KCNJ10: variants seen among roughly 807,000 people sequenced by gnomAD.
KCNJ10 encodes potassium inwardly rectifying channel subfamily J member 10, also known as ATP-sensitive inward rectifier potassium channel 10.
Under a neutral mutation model 22.2 loss-of-function variants are expected in KCNJ10, and 9 were observed. That is an observed-to-expected ratio of 0.40 (90% CI 0.24 to 0.71). The LOEUF (loss-of-function observed/expected upper bound fraction) is 0.71, where lower values mean the gene tolerates loss of function less well. KCNJ10 is among the 30% of genes least tolerant of loss of function. The probability of loss-of-function intolerance (pLI) is 0.35; values close to 1 mark genes in which losing one functional copy is unlikely to be tolerated. For missense variants in KCNJ10, 337 were observed against 482.7 expected (o/e 0.70, Z 2.83); for synonymous variants, 184 against 187.3 (o/e 0.98, Z 0.15).
Position 160,039,910 on chromosome 1 carries a change from C to T in KCNJ10, c.*1483G>A, listed in dbSNP as rs1648564928. Reference sequence around the variant, plus strand: ...GGGGCTTTGGATAAAGCTCTGGTGCCTATATGCCCTTCCCTGACCCTTACC... The same window carrying T: ...GGGGCTTTGGATAAAGCTCTGGTGCTTATATGCCCTTCCCTGACCCTTACC... On this transcript the variant is annotated 3_prime_UTR_variant, in exon 2 of 2. Transcript: ENST00000644903. 1 of 152,210 alleles carries T rather than the reference C, an allele frequency of 6.6e-6. No individual in the cohort carries two copies. The highest frequency in any genetic ancestry group is 1.9e-4 in the East Asian group (1 of 5,202). 9.4% of individuals were successfully genotyped at this position (152,210 alleles called of 1,614,324 possible).
intron 1 of KCNJ10, 68 bp from the exon 2 acceptor site, chr1:160,042,600 A>C: frequency 1.5e-6 from 2 of 1,317,934 alleles, no homozygotes; most frequent in Non-Finnish European, 2.2e-6. Flanking sequence ...CCCTCACCCC[A>C]TGGGAGGGAG....
At chr1:160,043,306 CACACACACAA>C (rs796265915) in intron 1 of KCNJ10, among the ~76,000 whole-genome samples, 85 of 150,674 alleles carry the variant, frequency 5.6e-4, no homozygotes, top group Middle Eastern at 3.4e-3. Context: ...CACACACACA[CACACACACAA>C]CCTTAATTTC....
intron 1 of KCNJ10, among the ~76,000 whole-genome samples, chr1:160,060,199 T>G (rs543936831): frequency 6.6e-6 from 1 of 152,040 alleles, no homozygotes; most frequent in South Asian, 2.1e-4. Flanking sequence ...AGAAGGAGGA[T>G]GGGGTAGGGA....
intron 1 of KCNJ10, among the ~76,000 whole-genome samples, chr1:160,058,968 G>A (rs12729001): frequency 0.45 from 68,294 of 152,014 alleles, 15,928 homozygotes; most frequent in East Asian, 0.67. Context: ...CCCACAACAT[G>A]GGCTGCTATC....
intron 1 of KCNJ10, among the ~76,000 whole-genome samples, chr1:160,063,323 C>T (rs990630834): frequency 6.6e-6 from 1 of 152,134 alleles, no homozygotes; most frequent in Non-Finnish European, 1.5e-5. Context: ...GGGCAGTGAG[C>T]GGGACTGAGC....
intron 1 of KCNJ10, among the ~76,000 whole-genome samples, chr1:160,065,785 T>C (rs1175307075): frequency 6.6e-6 from 1 of 152,076 alleles, no homozygotes; most frequent in Non-Finnish European, 1.5e-5. Context: ...CAGATGTGTC[T>C]GGGTAGAGAA....
rs1648620656 is a variant in KCNJ10, at chr1:160,042,079, C to T, written c.454G>A (p.Val152Met). Residue 152 changes from valine (V) to methionine (M), a missense_variant, in exon 2 of 2, where the codon GTG becomes ATG. This residue lies in a region of KCNJ10 where 165 missense variants were observed against 281.5 expected (regional missense o/e 0.59). Coordinates refer to ENST00000644903, the MANE Select transcript of KCNJ10 (RefSeq NM_002241.5). ...AAGATTTCCAGGATGGTGGTGAGCA[C>T]CAGCTGGGCAATAAGAAGCACAATG... is the stretch of plus-strand genomic sequence containing the variant. ...LAIVLLIAQL[V>M]LTTILEIFIT... is the part of the protein sequence containing the mutation. 6.5e-7 allele frequency: 1 copy of T among 1,550,120 alleles called. No homozygotes were observed. The highest frequency in any genetic ancestry group is 8.7e-7 in the Non-Finnish European group (1 of 1,148,280).
intron 1 of KCNJ10, among the ~76,000 whole-genome samples, chr1:160,061,756 G>T (rs545053312): frequency 6.7e-6 from 1 of 148,890 alleles, no homozygotes; most frequent in African/African-American, 2.5e-5. Flanking sequence ...AAAGGGAAAG[G>T]GGGGTGGGGT....
chr1:160,042,631 GTCGC>G, intron 1 of KCNJ10, 99 bp from the exon 2 acceptor site: 2 of 1,060,936 alleles, frequency 1.9e-6, no homozygotes, highest in Non-Finnish European at 1.4e-6. Flanking sequence ...TCATTTGAAT[GTCGC>G]TTATGTGTTC....
intron 1 of KCNJ10, among the ~76,000 whole-genome samples, chr1:160,063,801 C>A (rs1347885616): frequency 6.6e-6 from 1 of 152,246 alleles, no homozygotes; most frequent in Non-Finnish European, 1.5e-5. Context: ...TCCTCTGCAG[C>A]TCCCTGCCTT....
At chr1:160,053,431 G>A (rs1648951076) in intron 1 of KCNJ10, among the ~76,000 whole-genome samples, 4 of 152,210 alleles carry the variant, frequency 2.6e-5, no homozygotes, top group Admixed American at 2.0e-4. Flanking sequence ...AGGAAGAAAA[G>A]CACTGCATGG....
In KCNJ10 at chr1:160,042,450, C is replaced by T. The variant is rs766560083; in HGVS notation, c.83G>A (p.Arg28Gln). 3.0e-5 allele frequency: 48 copies of T among 1,614,036 alleles called. No homozygotes were observed. The highest frequency in any genetic ancestry group is 5.0e-5 in the Admixed American group (3 of 60,004). ...RPLMGPGIRR[R>Q]RVLTKDGRSN... Reference sequence around the variant, plus strand: ...GCGACCATCTTTTGTCAGGACTCTCCGCCGTCGTATCCCTGGGCCCATTAG... The same window carrying T: ...GCGACCATCTTTTGTCAGGACTCTCTGCCGTCGTATCCCTGGGCCCATTAG... The change falls in exon 2 of 2, where the codon CGG (arginine) becomes CAG (glutamine). Residue 28 changes from arginine to glutamine, a missense_variant. Arg to Gln is a conservative substitution (Grantham distance 43, BLOSUM62 1). This residue lies in a region of KCNJ10 where 107 missense variants were observed against 135.2 expected (regional missense o/e 0.79). Transcript: ENST00000644903.
intron 1 of KCNJ10, among the ~76,000 whole-genome samples, chr1:160,048,004 G>A (rs1648787677): frequency 6.6e-6 from 1 of 152,240 alleles, no homozygotes; most frequent in African/African-American, 2.4e-5. Context: ...GCCTCCCAAA[G>A]TGCTGGGATT....
Position 160,037,505 on chromosome 1 carries a change from T to G in KCNJ10, c.*3888A>C, listed in dbSNP as rs978869380. ...GTCATCCATTTTATTTAGTAGCTTATTTTTAACAGACAAAAACAAAACAAA... is the reference window on the plus strand; with the variant it reads ...GTCATCCATTTTATTTAGTAGCTTAGTTTTAACAGACAAAAACAAAACAAA... On this transcript the variant is annotated 3_prime_UTR_variant, in exon 2 of 2. Coordinates refer to ENST00000644903, the MANE Select transcript of KCNJ10 (RefSeq NM_002241.5). The G allele has an allele frequency of 6.6e-6, 1 of 152,234 alleles. No individual in the cohort carries two copies. Among genetic ancestry groups the G allele is most frequent in the Admixed American group, 6.5e-5 (1 of 15,290 alleles). The allele number at this position is 152,234 out of a possible 1,614,324, so 9.4% of individuals were successfully genotyped here. A position where few individuals can be genotyped will look rare whatever the true frequency, so the allele number is the denominator to read the frequency against.
chr1:160,069,402 G>C (rs1395183386), intron 1 of KCNJ10, among the ~76,000 whole-genome samples: 5 of 152,208 alleles, frequency 3.3e-5, no homozygotes, highest in Admixed American at 6.5e-5. Context: ...GGAAATCCCA[G>C]TGCGAAACAG....
At chr1:160,062,169 C>A (rs1649215464) in intron 1 of KCNJ10, among the ~76,000 whole-genome samples, 1 of 152,104 alleles carries the variant, frequency 6.6e-6, no homozygotes. Flanking sequence ...CCCAGCCTGC[C>A]CAGAGAGTGG....
intron 1 of KCNJ10, among the ~76,000 whole-genome samples, chr1:160,059,015 C>T (rs1276207165): frequency 6.6e-6 from 1 of 152,230 alleles, no homozygotes; most frequent in Non-Finnish European, 1.5e-5. Flanking sequence ...CTTCCTACCT[C>T]AGGCTTTACG....
intron 1 of KCNJ10, among the ~76,000 whole-genome samples, chr1:160,062,000 C>G (rs886764501): frequency 6.6e-6 from 1 of 151,860 alleles, no homozygotes; most frequent in Non-Finnish European, 1.5e-5. Context: ...GCTGGGCATA[C>G]GGAACCGAGA....
intron 1 of KCNJ10, among the ~76,000 whole-genome samples, chr1:160,049,575 C>A (rs1314937733): frequency 6.7e-6 from 1 of 150,234 alleles, no homozygotes; most frequent in Admixed American, 6.7e-5. Context: ...ATATCTATAT[C>A]CAACTATACC....
Sources: allele counts gnomAD v4.1 joint callset (sites outside exome capture counted in the v4.1 genomes callset), GRCh38; gene constraint gnomAD v4.1.1; regional missense constraint gnomAD v4.1.1; transcripts MANE v1.5; gene names NCBI Gene and HGNC (gene_info 2026-07-23, HGNC 2026-07-21).